Variants in CHID1 observed in about 807,000 individuals in gnomAD.
The protein encoded by CHID1 is chitinase domain-containing protein 1.
In CHID1, 44 loss-of-function variants were observed where a neutral mutation model predicts 55.4. That is an observed-to-expected ratio of 0.79 (90% CI 0.62 to 1.02). The LOEUF is 1.02. Among genes scored for constraint, CHID1 ranks in the 50% least tolerant of loss-of-function variants. CHID1 has a pLI of 0.00. For missense variants in CHID1, 491 were observed against 515.3 expected (o/e 0.95, Z 0.46); for synonymous variants, 216 against 212.9 (o/e 1.01, Z -0.13).
chr11:914,923 T>C (rs935789913), upstream of CHID1: 1 of 241,084 alleles, frequency 4.1e-6, no homozygotes, highest in Non-Finnish European at 8.2e-6. Context: ...TGTCCTGTTC[T>C]AACTAGGAGA....
intron 10 of CHID1, among the ~76,000 whole-genome samples, chr11:874,533 C>T (rs1039896187): frequency 1.6e-4 from 25 of 152,214 alleles, no homozygotes; most frequent in African/African-American, 6.0e-4. Flanking sequence ...TAGCGCACTG[C>T]AGCCTGGACC....
Position 879,691 on chromosome 11 carries a change from G to A in CHID1, c.959+3457C>T, listed in dbSNP as rs188748611. ...CTTTGTTACCCTTGAAGACTAGTGC[G>A]GTGGCGACTCAAGGCCAACACCTGT... On this transcript the variant is annotated intron_variant, in intron 10 of 12. Transcript: ENST00000323578. 2.0e-3 allele frequency among the ~76,000 whole-genome samples: 307 copies of A among 152,324 alleles called. 2 individuals carry two copies. Among genetic ancestry groups the A allele is most frequent in the African/African-American group, 7.1e-3 (297 of 41,574 alleles).
At chr11:898,635 T>TGCTTGGGCAGGACC (rs1851568158) in intron 7 of CHID1, among the ~76,000 whole-genome samples, 1 of 152,210 alleles carries the variant, frequency 6.6e-6, no homozygotes, top group Non-Finnish European at 1.5e-5. Flanking sequence ...TTGGCAGGGC[T>TGCTTGGGCAGGACC]GCTTGGGCAG....
intron 10 of CHID1, among the ~76,000 whole-genome samples, chr11:871,517 G>C (rs1215963422): frequency 6.8e-3 from 3 of 438 alleles, no homozygotes; most frequent in Non-Finnish European, 0.017. Flanking sequence ...TTTGGGACCA[G>C]GGCAGGTGGT....
intron 9 of CHID1, 74 bp from the exon 10 acceptor site, chr11:883,377 C>A: frequency 7.0e-7 from 1 of 1,429,848 alleles, no homozygotes; most frequent in South Asian, 1.2e-5. Flanking sequence ...GGGCCCTCCA[C>A]TGAGGGGTGC....
chr11:894,828 T>C (rs1851141185), intron 7 of CHID1, among the ~76,000 whole-genome samples: 1 of 152,180 alleles, frequency 6.6e-6, no homozygotes, highest in Non-Finnish European at 1.5e-5. Flanking sequence ...GCCTGGCATG[T>C]GCAACTGCTG....
intron 10 of CHID1, among the ~76,000 whole-genome samples, chr11:880,717 G>T (rs1849853640): frequency 6.6e-6 from 1 of 152,052 alleles, no homozygotes; most frequent in South Asian, 2.1e-4. Context: ...CACCTGCCTG[G>T]GCTGACACAC....
intron 1 of CHID1, chr11:908,648 G>A (rs1283127112): frequency 1.0e-6 from 1 of 982,338 alleles, no homozygotes; most frequent in Non-Finnish European, 1.2e-6. Context: ...GTGGAAATCT[G>A]GGTCAGGGAG....
intron 8 of CHID1, among the ~76,000 whole-genome samples, chr11:889,434 G>A (rs1027693429): frequency 3.3e-5 from 5 of 152,128 alleles, no homozygotes; most frequent in Admixed American, 2.0e-4. Context: ...AACCCCTCCC[G>A]CCGCCATCTG....
intron 1 of CHID1, among the ~76,000 whole-genome samples, chr11:905,444 C>T (rs1589903684): frequency 6.6e-6 from 1 of 152,106 alleles, no homozygotes; most frequent in Non-Finnish European, 1.5e-5. Flanking sequence ...CTGAGGCGGG[C>T]GGATCACCTG....
chr11:883,814 G>T (rs561739257), intron 9 of CHID1, among the ~76,000 whole-genome samples: 1 of 152,374 alleles, frequency 6.6e-6, no homozygotes, highest in Non-Finnish European at 1.5e-5. Context: ...GGCAGCAGCA[G>T]GACTATGCCT....
intron 2 of CHID1, among the ~76,000 whole-genome samples, chr11:903,384 A>C (rs1851968009): frequency 6.6e-6 from 1 of 152,216 alleles, no homozygotes; most frequent in Non-Finnish European, 1.5e-5. Flanking sequence ...ACAGACAGTT[A>C]TGGTGGCTCC....
chr11:870,237 C>G (rs955630312), intron 11 of CHID1, 74 bp from the exon 12 acceptor site: 2 of 1,586,442 alleles, frequency 1.3e-6, no homozygotes, highest in Non-Finnish European at 1.7e-6. Context: ...CCAAGGTCCA[C>G]GGCCTGTACT....
intron 4 of CHID1, 48 bp downstream of exon 4, chr11:902,150 T>A: frequency 6.2e-7 from 1 of 1,607,164 alleles, no homozygotes; most frequent in Non-Finnish European, 8.5e-7. Context: ...GCACTCACAC[T>A]CTTTTCAGCC....
At chr11:902,077 C>T (rs1226871984) in intron 4 of CHID1, 121 bp downstream of exon 4, 2 of 1,108,194 alleles carry the variant, frequency 1.8e-6, no homozygotes, top group East Asian at 5.0e-5. Flanking sequence ...GAGACACACA[C>T]ACACTCCCAT....
intron 1 of CHID1, among the ~76,000 whole-genome samples, chr11:907,543 G>A (rs955762002): frequency 6.6e-6 from 1 of 152,032 alleles, no homozygotes; most frequent in Non-Finnish European, 1.5e-5. Context: ...GCGGCGGTGG[G>A]AGCTGAACCA....
chr11:875,809 C>CA lies in CHID1; in HGVS notation c.960-5311dup, dbSNP rs1250276486. ...TGATGAGGACCACGTGCCTAAGATT[C>CA]AATCCCTGCTGCTGCCGGCCTCCCA... On this transcript the variant is annotated intron_variant, in intron 10 of 12. Transcript: ENST00000323578. The surrounding 1 kb of genome is among the most constrained non-coding windows in gnomAD (Gnocchi z 4.7). 6.6e-6 allele frequency among the ~76,000 whole-genome samples: 1 copy of CA among 152,152 alleles called. No homozygotes were observed. The highest frequency in any genetic ancestry group is 2.4e-5 in the African/African-American group (1 of 41,432).
Position 900,922 on chromosome 11 carries a change from C to T in CHID1, c.439+14G>A, listed in dbSNP as rs1476868264. On this transcript the variant is annotated intron_variant, in intron 5 of 12. Coordinates refer to ENST00000323578, the MANE Select transcript of CHID1 (RefSeq NM_023947.4). ...GAGCCATCAGGGCCTCCACTCCTGG[C>T]CTGCCGCACTTACCTATGTGCAGGC... 11 of 1,597,170 alleles carry T rather than the reference C, an allele frequency of 6.9e-6. No individual in the cohort carries two copies. Among genetic ancestry groups the T allele is most frequent in the South Asian group, 1.1e-5 (1 of 88,412 alleles).
At chr11:893,669 TATCC>T in intron 7 of CHID1, 150 bp from the exon 8 acceptor site, 1 of 611,184 alleles carries the variant, frequency 1.6e-6, no homozygotes, top group Non-Finnish European at 2.9e-6. Flanking sequence ...GGGAACTTCC[TATCC>T]ATCTCTGGAT....
Sources: gnomAD v4.1 joint callset for allele counts (sites outside exome capture counted in the v4.1 genomes callset) on GRCh38, gnomAD v4.1.1 for gene constraint, Gnocchi (gnomAD v3.1) non-coding constraint, MANE v1.5 for transcripts, NCBI Gene and HGNC (gene_info 2026-07-23, HGNC 2026-07-21) for gene names.